Variants in RASAL2 observed in about 807,000 individuals in gnomAD.
RASAL2 encodes the protein ras GTPase-activating protein nGAP.
In RASAL2, 58 loss-of-function variants were observed where a neutral mutation model predicts 128.9. The observed-to-expected ratio is 0.45, with a 90% CI of 0.36 to 0.56. RASAL2 has a LOEUF of 0.56. Among genes scored for constraint, RASAL2 ranks in the 20% least tolerant of loss-of-function variants. The pLI is 0.00. For synonymous variants in RASAL2, 561 were observed against 580.8 expected (o/e 0.97, Z 0.49); for missense variants, 1,360 against 1,601.6 (o/e 0.85, Z 2.57).
chr1:178,253,987 A>G (rs1471084116), intron 1 of RASAL2, among the ~76,000 whole-genome samples: 1 of 152,126 alleles, frequency 6.6e-6, no homozygotes, highest in Non-Finnish European at 1.5e-5. Flanking sequence ...AAACTATCCA[A>G]TGGTTGTCCA....
At chr1:178,365,258 G>A (rs147202118) in intron 3 of RASAL2, among the ~76,000 whole-genome samples, 1 of 151,976 alleles carries the variant, frequency 6.6e-6, no homozygotes, top group Non-Finnish European at 1.5e-5. Context: ...AGTTTCATCA[G>A]CTCTAATCTT....
At chr1:178,270,446 T>A (rs1053998759) in intron 1 of RASAL2, among the ~76,000 whole-genome samples, 1 of 152,104 alleles carries the variant, frequency 6.6e-6, no homozygotes, top group Non-Finnish European at 1.5e-5. Flanking sequence ...TTTCTGCTAT[T>A]ATGTTTTTAA....
At chr1:178,466,672 A>T (rs1441761084) in intron 16 of RASAL2, among the ~76,000 whole-genome samples, 3 of 152,154 alleles carry the variant, frequency 2.0e-5, no homozygotes, top group Non-Finnish European at 4.4e-5. Context: ...ACAAATAAAC[A>T]GGCAACAAAT....
intron 1 of RASAL2, among the ~76,000 whole-genome samples, chr1:178,272,371 T>A (rs531867870): frequency 2.0e-5 from 3 of 152,304 alleles, no homozygotes; most frequent in Admixed American, 6.5e-5. Flanking sequence ...ATTCTCAGCC[T>A]TATTTTATTT....
rs564749978 is a variant in RASAL2, at chr1:178,378,831, ATCAATG to A, written c.458-11268_458-11263del. 3.9e-3 allele frequency among the ~76,000 whole-genome samples: 593 copies of A among 152,310 alleles called. 1 individual carries two copies. The highest frequency in any genetic ancestry group is 0.013 in the African/African-American group (554 of 41,582). On this transcript the variant is annotated intron_variant, in intron 3 of 17. Transcript: ENST00000367649. Reference sequence around the variant, plus strand: ...ACATTGAAAAGGGCAAAAGCTACAAATCAATGAGCTAAGCGTTTAACTCAACAAGTT... The same window carrying A: ...ACATTGAAAAGGGCAAAAGCTACAAAAGCTAAGCGTTTAACTCAACAAGTT...
At chr1:178,168,144 CTT>C (rs1264168490) in intron 1 of RASAL2, among the ~76,000 whole-genome samples, 1 of 151,980 alleles carries the variant, frequency 6.6e-6, no homozygotes, top group East Asian at 1.9e-4. Flanking sequence ...ATGTTCTAGT[CTT>C]TATAAAATCC....
intron 5 of RASAL2, among the ~76,000 whole-genome samples, chr1:178,436,754 T>G (rs140319393): frequency 5.1e-4 from 77 of 152,182 alleles, no homozygotes; most frequent in African/African-American, 1.4e-3. Context: ...TATTTTGTAT[T>G]TTTGGTAGAG....
chr1:178,222,570 C>T (rs192899570), intron 1 of RASAL2, among the ~76,000 whole-genome samples: 65 of 152,118 alleles, frequency 4.3e-4, no homozygotes, highest in African/African-American at 1.4e-3. Flanking sequence ...ATTTTTGATG[C>T]TTAAAGTTCT....
rs1647645682 is a variant in RASAL2, at chr1:178,466,033, G to A, written c.3501G>A (p.Leu1167=). ...VQEQQMQKLL[L]EYKARLEDSE... is the part of the protein sequence containing the mutation. ...AGCAGCAGATGCAGAAGCTGCTGCT[G>A]GAATACAAGGCCCGACTGGAGGACA... Residue 1167 remains leucine, a synonymous_variant, in exon 16 of 18, where the codon CTG becomes CTA. Transcript: ENST00000367649. The A allele has an allele frequency of 2.5e-5, 40 of 1,578,124 alleles. No homozygotes were observed. Among genetic ancestry groups the A allele is most frequent in the Non-Finnish European group, 3.3e-5 (38 of 1,160,560 alleles).
At chr1:178,232,793 G>C (rs756753961) in intron 1 of RASAL2, among the ~76,000 whole-genome samples, 6 of 152,220 alleles carry the variant, frequency 3.9e-5, no homozygotes, top group African/African-American at 9.6e-5. Context: ...GACTAGGCAA[G>C]GTTTTTTTTC....
intron 3 of RASAL2, among the ~76,000 whole-genome samples, chr1:178,310,211 G>C (rs1263561328): frequency 6.6e-6 from 1 of 152,168 alleles, no homozygotes; most frequent in Non-Finnish European, 1.5e-5. Context: ...AGTGAAGGTT[G>C]TGCATAAGGA....
Position 178,134,315 on chromosome 1 carries a change from C to T in RASAL2, c.202+39621C>T, listed in dbSNP as rs540500934. 2.2e-4 allele frequency among the ~76,000 whole-genome samples: 34 copies of T among 151,986 alleles called. 1 individual carries two copies. Among genetic ancestry groups the T allele is most frequent in the African/African-American group, 7.2e-4 (30 of 41,482 alleles). ...CTCTGTAGAGCTGTTTGGGTAATCT[C>T]AGGACATGGCCTAGAGTGAGTAGTC... is the stretch of plus-strand genomic sequence containing the variant. On this transcript the variant is annotated intron_variant, in intron 1 of 17. Coordinates refer to ENST00000367649, the MANE Select transcript of RASAL2 (RefSeq NM_170692.4).
intron 1 of RASAL2, among the ~76,000 whole-genome samples, chr1:178,097,887 G>A (rs894375157): frequency 1.3e-5 from 2 of 152,066 alleles, no homozygotes; most frequent in Non-Finnish European, 2.9e-5. Context: ...GTCATAATAC[G>A]TATACTCAGG....
Position 178,197,714 on chromosome 1 carries a change from T to G in RASAL2, c.203-85850T>G, listed in dbSNP as rs773832436. Among the ~76,000 whole-genome samples the G allele has an allele frequency of 3.9e-5, 6 of 152,190 alleles. No individual in the cohort carries two copies. In the South Asian group the frequency reaches 1.2e-3, roughly 32 times the overall value. On this transcript the variant is annotated intron_variant, in intron 1 of 17. Transcript: ENST00000367649. ...AGAAATTCTTCTTTTTAAAAAATTA[T>G]TATACTTTAAGTTCTAGGGTACATG...
intron 1 of RASAL2, among the ~76,000 whole-genome samples, chr1:178,172,171 C>A (rs777500616): frequency 6.6e-6 from 1 of 151,916 alleles, no homozygotes; most frequent in Non-Finnish European, 1.5e-5. Flanking sequence ...TTTGCAAGTC[C>A]TTCATACCAT....
chr1:178,458,016 C>T lies in RASAL2; in HGVS notation c.2724C>T (p.His908=), dbSNP rs762395534. The change falls in exon 14 of 18, where the codon CAC becomes CAT. Residue 908 remains histidine (H), a synonymous_variant. Coordinates refer to ENST00000367649, the MANE Select transcript of RASAL2 (RefSeq NM_170692.4). ...CACCCCAAGTGAGAAGGCCCCTGCA[C>T]CCAGCCTTGAACCAGCCAGGTGGCC... ...QSAPQVRRPL[H]PALNQPGGLQ... is the part of the protein sequence containing the mutation. 6.2e-6 allele frequency: 10 copies of T among 1,614,136 alleles called. No individual in the cohort carries two copies. The South Asian group carries it at 8.8e-5, about 14-fold the overall frequency.
chr1:178,159,651 G>A (rs1014623720), intron 1 of RASAL2, among the ~76,000 whole-genome samples: 7 of 151,988 alleles, frequency 4.6e-5, no homozygotes, highest in African/African-American at 7.3e-5. Context: ...ACTGTGGGCC[G>A]GGTGCGGTGA....
intron 1 of RASAL2, among the ~76,000 whole-genome samples, chr1:178,235,390 G>C (rs902857630): frequency 2.0e-5 from 3 of 152,080 alleles, no homozygotes; most frequent in Non-Finnish European, 2.9e-5. Context: ...CTGTGAGAAG[G>C]TGTCCCTGCA....
In RASAL2 at chr1:178,371,058, T is replaced by G. The variant is rs373885100; in HGVS notation, c.458-19042T>G. On this transcript the variant is annotated intron_variant, in intron 3 of 17. Transcript: ENST00000367649. ...TTATCCTAGTAACAAGCCTAATCAATCTCCAGAGAACAAGGATATTAATAA... is the reference window on the plus strand; with the variant it reads ...TTATCCTAGTAACAAGCCTAATCAAGCTCCAGAGAACAAGGATATTAATAA... Among the ~76,000 whole-genome samples, 83 of 151,910 alleles carry G rather than the reference T, an allele frequency of 5.5e-4. 1 individual carries two copies. Among genetic ancestry groups the G allele is most frequent in the African/African-American group, 1.9e-3 (78 of 41,430 alleles).
Sources: allele counts gnomAD v4.1 joint callset (sites outside exome capture counted in the v4.1 genomes callset), GRCh38; gene constraint gnomAD v4.1.1; transcripts MANE v1.5; gene names NCBI Gene and HGNC (gene_info 2026-07-23, HGNC 2026-07-21).